SDK1: variants seen among roughly 807,000 people sequenced by gnomAD.
The protein encoded by SDK1 is protein sidekick-1.
In SDK1, 157 loss-of-function variants were observed where a neutral mutation model predicts 245.5. The ratio of observed to expected loss-of-function variants is 0.64; its 90% confidence interval spans 0.56 to 0.73. The LOEUF (loss-of-function observed/expected upper bound fraction) is 0.73. Among genes scored for constraint, SDK1 ranks in the 30% least tolerant of loss-of-function variants. The pLI is 0.00. For missense variants in SDK1, 3,583 were observed against 3,002.3 expected (o/e 1.19, Z -4.52); for synonymous variants, 1,647 against 1,278.5 (o/e 1.29, Z -6.15).
chr7:3,803,315 C>CTTTCTT (rs759560884), intron 4 of SDK1, among the ~76,000 whole-genome samples: 22 of 119,866 alleles, frequency 1.8e-4, no homozygotes, highest in African/African-American at 6.1e-4. Flanking sequence ...TTCTTTCTTT[C>CTTTCTT]TTTTTTTTTT....
At chr7:3,380,351 G>A (rs1237592044) in intron 1 of SDK1, among the ~76,000 whole-genome samples, 4 of 152,148 alleles carry the variant, frequency 2.6e-5, no homozygotes, top group Non-Finnish European at 2.9e-5. Flanking sequence ...TTGTTTTAAC[G>A]TTGTTAAATG....
At chr7:3,947,965 G>A (rs778734743) in intron 5 of SDK1, among the ~76,000 whole-genome samples, 1 of 152,084 alleles carries the variant, frequency 6.6e-6, no homozygotes, top group Non-Finnish European at 1.5e-5. Flanking sequence ...AAGCCTCTCT[G>A]TAATGTTCTT....
intron 4 of SDK1, among the ~76,000 whole-genome samples, chr7:3,667,642 T>C (rs1322192108): frequency 6.6e-6 from 1 of 152,218 alleles, no homozygotes; most frequent in Non-Finnish European, 1.5e-5. Context: ...CACAGATCTG[T>C]TTTCTGTCCC....
intron 20 of SDK1, among the ~76,000 whole-genome samples, chr7:4,069,194 G>A (rs1050762884): frequency 2.0e-5 from 3 of 152,162 alleles, no homozygotes; most frequent in Non-Finnish European, 4.4e-5. Context: ...GCAGACCTCT[G>A]GGATCCTCAG....
At chr7:3,861,324 T>G (rs1780687062) in intron 5 of SDK1, among the ~76,000 whole-genome samples, 2 of 152,238 alleles carry the variant, frequency 1.3e-5, no homozygotes, top group African/African-American at 4.8e-5. Context: ...AAGTCATCTA[T>G]GTATTTGTTT....
chr7:3,560,034 A>G (rs571159946), intron 1 of SDK1, among the ~76,000 whole-genome samples: 1 of 152,360 alleles, frequency 6.6e-6, no homozygotes, highest in East Asian at 1.9e-4. Context: ...AGATAGCTCA[A>G]AGCAACCTGT....
intron 1 of SDK1, among the ~76,000 whole-genome samples, chr7:3,387,770 T>G (rs2128568966): frequency 6.6e-6 from 1 of 152,328 alleles, no homozygotes; most frequent in East Asian, 1.9e-4. Context: ...AATATATTGC[T>G]TAATAAAATA....
At chr7:3,474,685 T>C (rs1697497852) in intron 1 of SDK1, among the ~76,000 whole-genome samples, 2 of 151,916 alleles carry the variant, frequency 1.3e-5, no homozygotes, top group African/African-American at 2.4e-5. Context: ...CGCACCTGGG[T>C]CATTACTTCT....
At chr7:3,837,133 A>G (rs1448129490) in intron 5 of SDK1, among the ~76,000 whole-genome samples, 1 of 152,294 alleles carries the variant, frequency 6.6e-6, no homozygotes, top group Admixed American at 6.5e-5. Flanking sequence ...TTAGGGCTTT[A>G]ACATAGTAAT....
intron 2 of SDK1, among the ~76,000 whole-genome samples, chr7:3,620,342 G>A (rs527886990): frequency 6.6e-6 from 1 of 150,890 alleles, no homozygotes; most frequent in African/African-American, 2.4e-5. Context: ...CACTCTTGTT[G>A]CCCAGGCTGG....
In SDK1 at chr7:4,265,822, C is replaced by T. The variant is rs533394322; in HGVS notation, c.*438C>T. On this transcript the variant is annotated 3_prime_UTR_variant, in exon 45 of 45. Coordinates refer to ENST00000404826, the MANE Select transcript of SDK1 (RefSeq NM_152744.4). ...TCTACCTCCTCTTCCAGAGAACCAG[C>T]GGCTCACACCCTTCTCAACGCAGGA... The T allele has an allele frequency of 3.5e-4, 348 of 998,060 alleles. No individual in the cohort carries two copies. Among genetic ancestry groups the T allele is most frequent in the Middle Eastern group, 2.5e-3 (5 of 1,968 alleles). The allele number at this position is 998,060 out of a possible 1,614,324, so 61.8% of individuals were successfully genotyped here.
chr7:3,393,337 G>C (rs1300974080), intron 1 of SDK1, among the ~76,000 whole-genome samples: 1 of 152,036 alleles, frequency 6.6e-6, no homozygotes, highest in South Asian at 2.1e-4. Flanking sequence ...ATAATTCTGT[G>C]TTTAGCTTTA....
chr7:3,658,316 G>A (rs534085663), intron 4 of SDK1, among the ~76,000 whole-genome samples: 3 of 152,232 alleles, frequency 2.0e-5, no homozygotes, highest in East Asian at 3.9e-4. Context: ...CCAAGTGACA[G>A]CCCCTAATAT....
intron 4 of SDK1, among the ~76,000 whole-genome samples, chr7:3,792,746 A>C (rs41886): frequency 5.3e-5 from 8 of 150,724 alleles, no homozygotes; most frequent in Non-Finnish European, 1.2e-4. Flanking sequence ...CCGTCCAACT[A>C]CTACCCCCTC....
chr7:3,682,320 T>C (rs947271816), intron 4 of SDK1, among the ~76,000 whole-genome samples: 2 of 152,206 alleles, frequency 1.3e-5, no homozygotes, highest in Non-Finnish European at 2.9e-5. Flanking sequence ...CCAGTGCTTT[T>C]CAACTATGCC....
At chr7:3,683,446 C>T (rs1429331966) in intron 4 of SDK1, among the ~76,000 whole-genome samples, 1 of 152,072 alleles carries the variant, frequency 6.6e-6, no homozygotes, top group Non-Finnish European at 1.5e-5. Flanking sequence ...TGAGAATACT[C>T]ATCAGAGGTT....
chr7:3,386,852 G>C (rs774752597), intron 1 of SDK1, among the ~76,000 whole-genome samples: 1 of 152,106 alleles, frequency 6.6e-6, no homozygotes, highest in South Asian at 2.1e-4. Context: ...CCCAAGAGTA[G>C]ACAACATATG....
At position 4,010,438 on chromosome 7, in the gene SDK1, C is replaced by T. The variant is rs6943332; in HGVS notation, c.2132-528C>T. 3.8e-3 allele frequency among the ~76,000 whole-genome samples: 579 copies of T among 152,358 alleles called. 4 individuals carry two copies. Among genetic ancestry groups the T allele is most frequent in the African/African-American group, 0.013 (555 of 41,588 alleles). On this transcript the variant is annotated intron_variant, in intron 14 of 44. Transcript: ENST00000404826. ...CTGTGAATTTCATTACGCCTCTCTC[C>T]AGCCAAAGCCACTCAAGGGTGTGGT...
intron 4 of SDK1, among the ~76,000 whole-genome samples, chr7:3,705,370 G>T (rs892386000): frequency 2.7e-5 from 4 of 150,562 alleles, no homozygotes; most frequent in South Asian, 2.1e-4. Flanking sequence ...TTTCAGCAGT[G>T]GTTTGTAGTT....
Sources: allele counts gnomAD v4.1 joint callset (sites outside exome capture counted in the v4.1 genomes callset), GRCh38; gene constraint gnomAD v4.1.1; transcripts MANE v1.5; gene names NCBI Gene and HGNC (gene_info 2026-07-23, HGNC 2026-07-21).